The following CNTN4 variants were observed in gnomAD, a reference collection of about 807,000 sequenced individuals.
CNTN4 encodes the protein contactin 4.
Under a neutral mutation model 122.5 loss-of-function variants are expected in CNTN4, and 77 were observed. The observed-to-expected ratio is 0.63, with a 90% CI of 0.52 to 0.76. CNTN4 has a LOEUF of 0.76. Among genes scored for constraint, CNTN4 ranks in the 30% least tolerant of loss-of-function variants. The probability of loss-of-function intolerance (pLI) is 0.00; values close to 1 mark genes in which losing one functional copy is unlikely to be tolerated. For missense variants in CNTN4, 1,256 were observed against 1,259.1 expected (o/e 1.00, Z 0.04); for synonymous variants, 512 against 447.0 (o/e 1.15, Z -1.83).
chr3:2,531,522 C>T (rs1194004733), intron 3 of CNTN4, among the ~76,000 whole-genome samples: 1 of 152,122 alleles, frequency 6.6e-6, no homozygotes, highest in Admixed American at 6.5e-5. Context: ...TTAATAACTA[C>T]ATGACCTAAA....
intron 2 of CNTN4, among the ~76,000 whole-genome samples, chr3:2,275,108 A>G (rs1449307492): frequency 6.6e-6 from 1 of 152,174 alleles, no homozygotes; most frequent in Admixed American, 6.5e-5. Flanking sequence ...TAAACATTTT[A>G]TGTGTCCATC....
chr3:2,584,310 G>A (rs893968905), intron 4 of CNTN4, among the ~76,000 whole-genome samples: 3 of 151,944 alleles, frequency 2.0e-5, no homozygotes, highest in South Asian at 2.1e-4. Flanking sequence ...GCCATGAGCC[G>A]CATGCCTTCT....
intron 14 of CNTN4, among the ~76,000 whole-genome samples, chr3:2,996,587 G>A (rs1695558578): frequency 6.6e-6 from 1 of 152,084 alleles, no homozygotes; most frequent in African/African-American, 2.4e-5. Context: ...ATGACTCTTT[G>A]GCTTCATTAT....
chr3:2,967,119 A>G (rs558843844), intron 13 of CNTN4, among the ~76,000 whole-genome samples: 49 of 152,202 alleles, frequency 3.2e-4, no homozygotes, highest in African/African-American at 1.1e-3. Flanking sequence ...TTTTAAGGAT[A>G]ATTTGGTGGG....
At chr3:2,322,138 C>A (rs1174937118) in intron 2 of CNTN4, among the ~76,000 whole-genome samples, 7 of 152,134 alleles carry the variant, frequency 4.6e-5, no homozygotes, top group African/African-American at 1.7e-4. Flanking sequence ...ATTACTCTAT[C>A]TATTTTGTAA....
intron 14 of CNTN4, among the ~76,000 whole-genome samples, chr3:3,004,622 A>G (rs1696425419): frequency 6.6e-6 from 1 of 152,206 alleles, no homozygotes. Context: ...CGTTTGTAAA[A>G]TTTATATAAT....
intron 2 of CNTN4, among the ~76,000 whole-genome samples, chr3:2,208,005 T>C (rs1384048565): frequency 2.6e-5 from 4 of 152,154 alleles, no homozygotes; most frequent in African/African-American, 9.6e-5. Flanking sequence ...CTGATGGAGA[T>C]AGACAAGATT....
chr3:2,121,466 C>T (rs2033776503), intron 2 of CNTN4, among the ~76,000 whole-genome samples: 4 of 149,084 alleles, frequency 2.7e-5, no homozygotes, highest in South Asian at 2.1e-4. Context: ...CCACTGCACC[C>T]AGCCTGGGTG....
intron 4 of CNTN4, among the ~76,000 whole-genome samples, chr3:2,582,690 G>A (rs1435129870): frequency 6.6e-6 from 1 of 152,160 alleles, no homozygotes; most frequent in Non-Finnish European, 1.5e-5. Flanking sequence ...AGCCTCTGTG[G>A]TGTGAGAGTG....
At chr3:2,789,507 A>T (rs569703820) in intron 6 of CNTN4, among the ~76,000 whole-genome samples, 5 of 152,172 alleles carry the variant, frequency 3.3e-5, no homozygotes, top group Non-Finnish European at 5.9e-5. Flanking sequence ...ATATCAGCTC[A>T]CTGCAACCTC....
chr3:2,932,981 C>T lies in CNTN4; in HGVS notation c.1358+7202C>T, dbSNP rs566540410. ...GGGACTACAGGCACCCACCACTATG[C>T]CCGGCTAATTTTTTGTATTTTTAGT... On this transcript the variant is annotated intron_variant, in intron 13 of 24. Coordinates refer to ENST00000418658, the MANE Select transcript of CNTN4 (RefSeq NM_175607.3). 2.2e-4 allele frequency among the ~76,000 whole-genome samples: 34 copies of T among 152,136 alleles called. No homozygotes were observed. The South Asian group carries it at 6.6e-3, about 30-fold the overall frequency.
At chr3:3,052,041 T>G (rs556103706) in intron 23 of CNTN4, among the ~76,000 whole-genome samples, 1 of 152,324 alleles carries the variant, frequency 6.6e-6, no homozygotes, top group East Asian at 1.9e-4. Context: ...GCAATTTGTG[T>G]TCTAACAAGT....
intron 4 of CNTN4, among the ~76,000 whole-genome samples, chr3:2,683,777 T>C (rs1296856930): frequency 6.6e-6 from 1 of 152,156 alleles, no homozygotes; most frequent in Non-Finnish European, 1.5e-5. Flanking sequence ...CTAGGAGTGT[T>C]CCAATATCCT....
chr3:2,753,650 C>T (rs1438080360), intron 6 of CNTN4, among the ~76,000 whole-genome samples: 10 of 152,182 alleles, frequency 6.6e-5, no homozygotes, highest in African/African-American at 9.6e-5. Context: ...AAAAACTACA[C>T]TTTACCAGTG....
intron 2 of CNTN4, among the ~76,000 whole-genome samples, chr3:2,276,487 T>G (rs1477681857): frequency 6.6e-6 from 1 of 152,206 alleles, no homozygotes; most frequent in African/African-American, 2.4e-5. Context: ...TTGCTTGATT[T>G]ATGATCTTTT....
At chr3:2,488,551 T>C (rs913725569) in intron 3 of CNTN4, among the ~76,000 whole-genome samples, 2 of 152,182 alleles carry the variant, frequency 1.3e-5, no homozygotes, top group African/African-American at 4.8e-5. Context: ...CCTGTGACCC[T>C]GAACTGGAGG....
chr3:2,481,017 C>CT (rs1201130018), intron 3 of CNTN4, among the ~76,000 whole-genome samples: 6 of 147,580 alleles, frequency 4.1e-5, no homozygotes, highest in African/African-American at 1.3e-4. Context: ...TTCTTTCTTT[C>CT]TTTCTTTTCT....
intron 3 of CNTN4, among the ~76,000 whole-genome samples, chr3:2,539,309 C>T (rs1008777740): frequency 3.9e-5 from 6 of 151,994 alleles, no homozygotes; most frequent in African/African-American, 1.2e-4. Context: ...ATATTGTGTC[C>T]TTTATCAGGT....
At chr3:2,863,067 G>A (rs1454068052) in intron 7 of CNTN4, among the ~76,000 whole-genome samples, 1 of 152,104 alleles carries the variant, frequency 6.6e-6, no homozygotes, top group Non-Finnish European at 1.5e-5. Context: ...TGAAGAAATA[G>A]GACAAGCGAT....
Sources: allele counts gnomAD v4.1 joint callset (sites outside exome capture counted in the v4.1 genomes callset), GRCh38; gene constraint gnomAD v4.1.1; transcripts MANE v1.5; gene names NCBI Gene and HGNC (gene_info 2026-07-23, HGNC 2026-07-21).